The following FLNB variants were observed in gnomAD, a reference collection of about 807,000 sequenced individuals.
FLNB encodes filamin B.
In FLNB, 111 loss-of-function variants were observed where a neutral mutation model predicts 250.6. That is an observed-to-expected ratio of 0.44 (90% CI 0.38 to 0.52). FLNB has a LOEUF of 0.52. Among genes scored for constraint, FLNB ranks in the 20% least tolerant of loss-of-function variants. FLNB has a pLI of 0.00. For missense variants in FLNB, 2,869 were observed against 3,447.8 expected, an observed-to-expected ratio of 0.83 and a Z score of 4.20; for synonymous variants, 1,302 against 1,372.1, an observed-to-expected ratio of 0.95 and a Z score of 1.13.
At position 58,142,765 on chromosome 3, in the gene FLNB, C is replaced by T. The variant is rs1226918642; in HGVS notation, c.5284+13C>T. 2.5e-6 allele frequency: 4 copies of T among 1,606,604 alleles called. No individual in the cohort carries two copies. Among genetic ancestry groups the T allele is most frequent in the East Asian group, 2.2e-5 (1 of 44,852 alleles). Reference sequence around the variant, plus strand: ...GGAGAAATCACTGGTAAGCACTTGCCATAAAGGCCGTCTCATTCTCACTTG... The same window carrying T: ...GGAGAAATCACTGGTAAGCACTTGCTATAAAGGCCGTCTCATTCTCACTTG... On this transcript the variant is annotated intron_variant, in intron 31 of 45. Transcript: ENST00000295956. The surrounding 1 kb of genome is among the most constrained non-coding windows in gnomAD (Gnocchi z 4.3).
At chr3:58,150,882 A>G (rs1398881350) in intron 38 of FLNB, 1 of 154,760 alleles carries the variant, frequency 6.5e-6, no homozygotes, top group Non-Finnish European at 1.4e-5. Context: ...AGGGAAATCT[A>G]AATCGTCTTC....
At position 58,152,471 on chromosome 3, in the gene FLNB, T is replaced by G. The variant is rs1357345651; in HGVS notation, c.6368-904T>G. On this transcript the variant is annotated intron_variant, in intron 38 of 45. Coordinates refer to ENST00000295956, the MANE Select transcript of FLNB (RefSeq NM_001457.4). Reference sequence around the variant, plus strand: ...GACAGCGTCCCCTTGTATCCTCACATGCTGGAGAACGGAGGGAGCCAGCTG... The same window carrying G: ...GACAGCGTCCCCTTGTATCCTCACAGGCTGGAGAACGGAGGGAGCCAGCTG... 2.6e-5 allele frequency among the ~76,000 whole-genome samples: 4 copies of G among 152,214 alleles called. No homozygotes were observed. The East Asian group carries it at 5.8e-4, about 22-fold the overall frequency.
chr3:58,101,707 C>T (rs1331503778), intron 8 of FLNB, among the ~76,000 whole-genome samples: 1 of 152,150 alleles, frequency 6.6e-6, no homozygotes, highest in African/African-American at 2.4e-5. Flanking sequence ...TTGTTTTTGC[C>T]TGGTTGTTCA....
chr3:58,114,706 T>TG (rs2097274885), intron 18 of FLNB, among the ~76,000 whole-genome samples: 1 of 139,592 alleles, frequency 7.2e-6, no homozygotes, highest in Admixed American at 6.9e-5. Flanking sequence ...GTTTTTTTTC[T>TG]GTTTTTTTTT....
rs77130366 is a variant in FLNB, at chr3:58,168,157, A to C, written c.7199-283A>C. ...ACTCAGGCTTCTTGCCCTCAGCCAC[A>C]ATGGCTCATGCCCAGAGGAGAGAAC... On this transcript the variant is annotated intron_variant, in intron 43 of 45. Coordinates refer to ENST00000295956, the MANE Select transcript of FLNB (RefSeq NM_001457.4). Among the ~76,000 whole-genome samples, 2,453 of 152,332 alleles carry C rather than the reference A, an allele frequency of 0.016. 59 individuals are homozygous for C. Among genetic ancestry groups the C allele is most frequent in the African/African-American group, 0.056 (2,322 of 41,580 alleles).
At position 58,028,608 on chromosome 3, in the gene FLNB, TTTC is replaced by T. The variant is rs1248367719; in HGVS notation, c.292+19755_292+19757del. Among the ~76,000 whole-genome samples the T allele has an allele frequency of 8.3e-3, 1,111 of 133,560 alleles. 15 individuals are homozygous for T. Among genetic ancestry groups the T allele is most frequent in the African/African-American group, 0.037 (1,033 of 28,292 alleles). The allele number at this position is 133,560 out of a possible 152,430, so 87.6% of individuals were successfully genotyped here. The stretch of plus-strand genomic sequence containing the variant: ...TTATCTCTACCAAAAAAAATTTTTT[TTTC>T]TTTTCTTTTTTTTTTTTTTGAGACA... On this transcript the variant is annotated intron_variant, in intron 1 of 45. Coordinates refer to ENST00000295956, the MANE Select transcript of FLNB (RefSeq NM_001457.4).
chr3:58,034,198 A>G (rs2097134851), intron 1 of FLNB, among the ~76,000 whole-genome samples: 1 of 152,088 alleles, frequency 6.6e-6, no homozygotes, highest in African/African-American at 2.4e-5. Flanking sequence ...AACATCTTTT[A>G]CTACTCTTTG....
intron 4 of FLNB, among the ~76,000 whole-genome samples, chr3:58,088,038 CTT>C (rs56009116): frequency 0.35 from 28,808 of 83,288 alleles, 3,812 homozygotes; most frequent in East Asian, 0.78. Flanking sequence ...GGCGCCCAGC[CTT>C]TTTTTTTTTT....
chr3:58,093,633 T>TCACACACA (rs3060336), intron 4 of FLNB, among the ~76,000 whole-genome samples: 2 of 149,574 alleles, frequency 1.3e-5, no homozygotes, highest in African/African-American at 2.5e-5. Context: ...ATACTTATGT[T>TCACACACA]CACACACACA....
intron 1 of FLNB, among the ~76,000 whole-genome samples, chr3:58,012,883 A>C (rs569524792): frequency 1.3e-5 from 2 of 152,320 alleles, no homozygotes; most frequent in East Asian, 3.9e-4. Flanking sequence ...TCCAGCTCTG[A>C]GATAGGTGGT....
rs966518110 is a variant in FLNB at position 58,155,029 on chromosome 3, CTA to C, written c.6772+103_6772+104del. 40 of 1,204,490 alleles carry C rather than the reference CTA, an allele frequency of 3.3e-5. No homozygotes were observed. In the African/African-American group the frequency reaches 5.7e-4, roughly 17 times the overall value. The allele number at this position is 1,204,490 out of a possible 1,614,324, so 74.6% of individuals were successfully genotyped here. A position where few individuals can be genotyped will look rare whatever the true frequency, so the allele number is the denominator to read the frequency against. ...AAGTTTGCTGAAGTCAATGAGGAATCTATGTGTATGGGCACATGGGACAGCCT... is the reference window on the plus strand; with the variant it reads ...AAGTTTGCTGAAGTCAATGAGGAATCTGTGTATGGGCACATGGGACAGCCT... On this transcript the variant is annotated intron_variant, in intron 40 of 45. Coordinates refer to ENST00000295956, the MANE Select transcript of FLNB (RefSeq NM_001457.4).
At chr3:58,036,677 A>C (rs2097138536) in intron 1 of FLNB, among the ~76,000 whole-genome samples, 2 of 152,206 alleles carry the variant, frequency 1.3e-5, no homozygotes, top group African/African-American at 4.8e-5. Context: ...CTAATCTTGT[A>C]GCTAATTTGT....
At chr3:58,043,641 G>A (rs1022620973) in intron 1 of FLNB, among the ~76,000 whole-genome samples, 1 of 152,186 alleles carries the variant, frequency 6.6e-6, no homozygotes, top group Non-Finnish European at 1.5e-5. Context: ...TGTGGTGGCA[G>A]AAGGGCTTCT....
intron 43 of FLNB, among the ~76,000 whole-genome samples, chr3:58,167,718 A>T (rs1029825621): frequency 6.6e-6 from 1 of 152,148 alleles, no homozygotes; most frequent in Non-Finnish European, 1.5e-5. Flanking sequence ...CGGCTCTACC[A>T]CTTTCTGGTT....
At chr3:58,095,112 G>A (rs999400916) in intron 5 of FLNB, among the ~76,000 whole-genome samples, 158 bp downstream of exon 5, 1 of 152,156 alleles carries the variant, frequency 6.6e-6, no homozygotes, top group African/African-American at 2.4e-5. Flanking sequence ...AAAGTAACCT[G>A]CCCAAGAGGT....
chr3:58,011,302 CTGGGCCTG>C, intron 1 of FLNB, among the ~76,000 whole-genome samples: 1 of 152,302 alleles, frequency 6.6e-6, no homozygotes, highest in South Asian at 2.1e-4. Context: ...TTCCTCTGTG[CTGGGCCTG>C]TGGGCTGTTG....
At chr3:58,053,079 T>TC (rs1474198328) in intron 1 of FLNB, among the ~76,000 whole-genome samples, 6 of 152,172 alleles carry the variant, frequency 3.9e-5, no homozygotes, top group Non-Finnish European at 7.4e-5. Flanking sequence ...GAGGGTGAGA[T>TC]CATTCAGTGG....
In FLNB at chr3:58,132,806, A is replaced by G; in HGVS notation, c.4391-2A>G. 6.2e-7 allele frequency: 1 copy of G among 1,614,128 alleles called. No homozygotes were observed. The stretch of plus-strand genomic sequence containing the variant: ...CCTTAAACCTCTCATCTCTGTCCTC[A>G]GGCTTGGTGGAGCCAGTGAACGTGG... On this transcript the variant is annotated splice_acceptor_variant, in intron 25 of 45. Transcript: ENST00000295956. LOFTEE classifies it high-confidence loss of function.
chr3:58,157,492 A>C (rs2097355042), intron 41 of FLNB, among the ~76,000 whole-genome samples: 1 of 152,234 alleles, frequency 6.6e-6, no homozygotes, highest in South Asian at 2.1e-4. Flanking sequence ...CAGAACCCAA[A>C]CCAGACTCAG....
Sources: gnomAD v4.1 joint callset for allele counts (sites outside exome capture counted in the v4.1 genomes callset) on GRCh38, gnomAD v4.1.1 for gene constraint, Gnocchi (gnomAD v3.1) non-coding constraint, MANE v1.5 for transcripts, NCBI Gene and HGNC (gene_info 2026-07-23, HGNC 2026-07-21) for gene names.